Variants in ST8SIA6 observed in about 807,000 individuals in gnomAD.
ST8SIA6 encodes the protein ST8 alpha-N-acetyl-neuraminide alpha-2,8-sialyltransferase 6.
In ST8SIA6, 39 loss-of-function variants were observed where a neutral mutation model predicts 33.6. That is an observed-to-expected ratio of 1.16 (90% CI 0.90 to 1.52). ST8SIA6 has a LOEUF of 1.52. ST8SIA6 is among the 40% of genes most tolerant of loss of function. ST8SIA6 has a pLI of 0.00. For synonymous variants in ST8SIA6, 172 were observed against 167.2 expected (o/e 1.03, Z -0.22); for missense variants, 441 against 443.8 (o/e 0.99, Z 0.06).
At chr10:17,393,490 C>T (rs1050983144) in intron 2 of ST8SIA6, among the ~76,000 whole-genome samples, 2 of 152,142 alleles carry the variant, frequency 1.3e-5, no homozygotes, top group Non-Finnish European at 2.9e-5. Flanking sequence ...GCCCTGTATC[C>T]AAATGTTTGA....
In ST8SIA6 at chr10:17,380,797, A is replaced by G. The variant is rs430592; in HGVS notation, c.290+9734T>C. On this transcript the variant is annotated intron_variant, in intron 3 of 7. Transcript: ENST00000377602. Reference sequence around the variant, plus strand: ...TGTTCATGTTTGTGTGTATGTGTACATGTTTGTGTGAATGTATGTGTACGT... The same window carrying G: ...TGTTCATGTTTGTGTGTATGTGTACGTGTTTGTGTGAATGTATGTGTACGT... 2.7e-3 allele frequency among the ~76,000 whole-genome samples: 390 copies of G among 145,726 alleles called. 2 individuals are homozygous for G. The highest frequency in any genetic ancestry group is 6.5e-3 in the South Asian group (30 of 4,594).
intron 2 of ST8SIA6, among the ~76,000 whole-genome samples, chr10:17,436,643 A>G (rs923576133): frequency 1.3e-5 from 2 of 150,072 alleles, no homozygotes; most frequent in African/African-American, 2.5e-5. Flanking sequence ...TGTCCTTGTG[A>G]TAGTTTGCTG....
chr10:17,372,632 T>C (rs1343495095), intron 3 of ST8SIA6, among the ~76,000 whole-genome samples: 2 of 152,222 alleles, frequency 1.3e-5, no homozygotes, highest in African/African-American at 4.8e-5. Flanking sequence ...ACTATCACTA[T>C]TGATTATTAC....
In ST8SIA6 at chr10:17,374,764, T is replaced by TATATATATACAC. The variant is rs1441288579; in HGVS notation, c.291-15165_291-15164insGTGTATATATAT. Among the ~76,000 whole-genome samples, 69 of 126,856 alleles carry TATATATATACAC rather than the reference T, an allele frequency of 5.4e-4. 1 individual carries two copies. The highest frequency in any genetic ancestry group is 1.9e-3 in the East Asian group (6 of 3,182). The allele number at this position is 126,856 out of a possible 152,430, so 83.2% of individuals were successfully genotyped here. ...TAAATAAATAATAAATATATATATA[T>TATATATATACAC]ATATTTAGCTCAACTGCCCTCCCAA... is the stretch of plus-strand genomic sequence containing the variant. On this transcript the variant is annotated intron_variant, in intron 3 of 7. Coordinates refer to ENST00000377602, the MANE Select transcript of ST8SIA6 (RefSeq NM_001004470.3).
intron 1 of ST8SIA6, among the ~76,000 whole-genome samples, 185 bp downstream of exon 1, chr10:17,453,970 G>A (rs1287498318): frequency 6.6e-6 from 1 of 152,046 alleles, no homozygotes; most frequent in East Asian, 2.0e-4. Context: ...CCGTCCACCG[G>A]TCGGAGGGTC....
rs1215669716 is a variant in ST8SIA6, at chr10:17,318,867, T to C, written c.*2011A>G. On this transcript the variant is annotated 3_prime_UTR_variant, in exon 8 of 8. Coordinates refer to ENST00000377602, the MANE Select transcript of ST8SIA6 (RefSeq NM_001004470.3). ...TCATATTTTAGAAAGTTCTAAGTAA[T>C]GTTCTGTTTTGGAACAAAAGAACAT... The C allele has an allele frequency of 1.3e-5, 5 of 385,798 alleles. No homozygotes were observed. Among genetic ancestry groups the C allele is most frequent in the African/African-American group, 6.3e-5 (3 of 47,304 alleles). 23.9% of individuals were successfully genotyped at this position (385,798 alleles called of 1,614,324 possible). A position where few individuals can be genotyped will look rare whatever the true frequency, so the allele number is the denominator to read the frequency against.
chr10:17,403,666 C>T (rs535518819), intron 2 of ST8SIA6: 1 of 152,296 alleles, frequency 6.6e-6, no homozygotes, highest in South Asian at 2.1e-4. Context: ...ATTTTGACCT[C>T]TCTTTAGTGT....
chr10:17,380,085 C>T (rs899217990), intron 3 of ST8SIA6, among the ~76,000 whole-genome samples: 8 of 152,168 alleles, frequency 5.3e-5, no homozygotes, highest in African/African-American at 1.9e-4. Context: ...TGTACAACTC[C>T]TTTTTGGGGG....
chr10:17,365,404 C>G (rs985801226), intron 3 of ST8SIA6, among the ~76,000 whole-genome samples: 1 of 152,126 alleles, frequency 6.6e-6, no homozygotes, highest in Non-Finnish European at 1.5e-5. Context: ...TGGTTTCATC[C>G]TCTTCAGTTC....
At chr10:17,360,345 C>T (rs550118975) in intron 3 of ST8SIA6, among the ~76,000 whole-genome samples, 1 of 152,044 alleles carries the variant, frequency 6.6e-6, no homozygotes, top group African/African-American at 2.4e-5. Flanking sequence ...GGCTCTACAA[C>T]AATGAGATAG....
chr10:17,420,351 G>A (rs1250918378), intron 2 of ST8SIA6, among the ~76,000 whole-genome samples: 1 of 152,204 alleles, frequency 6.6e-6, no homozygotes, highest in Non-Finnish European at 1.5e-5. Flanking sequence ...AGCGGAGCTT[G>A]CAGTGAGCTG....
intron 2 of ST8SIA6, among the ~76,000 whole-genome samples, chr10:17,448,945 A>T (rs1852821116): frequency 2.6e-5 from 4 of 151,420 alleles, no homozygotes. Context: ...AGCTTCTTTC[A>T]TAATCAAAAT....
intron 3 of ST8SIA6, among the ~76,000 whole-genome samples, chr10:17,387,568 A>T (rs114182225): frequency 0.01 from 1,562 of 151,938 alleles, 20 homozygotes; most frequent in African/African-American, 0.036. Flanking sequence ...CGCCGGGCCC[A>T]GAAAACTAGG....
At chr10:17,418,180 T>C (rs1230680931) in intron 2 of ST8SIA6, among the ~76,000 whole-genome samples, 1 of 152,108 alleles carries the variant, frequency 6.6e-6, no homozygotes, top group African/African-American at 2.4e-5. Context: ...CACCTCAGCC[T>C]TCCAAGTAGC....
chr10:17,450,514 C>G (rs112083961), intron 2 of ST8SIA6, among the ~76,000 whole-genome samples: 8,076 of 152,190 alleles, frequency 0.053, 346 homozygotes, highest in African/African-American at 0.12. Context: ...GATCTTGGCT[C>G]ACTGCAACCT....
intron 4 of ST8SIA6, among the ~76,000 whole-genome samples, chr10:17,333,491 A>G (rs1274579569): frequency 2.0e-5 from 3 of 151,382 alleles, no homozygotes; most frequent in African/African-American, 7.3e-5. Context: ...ACTTCACACT[A>G]TACTACAAGG....
chr10:17,371,066 T>C (rs1467582288), intron 3 of ST8SIA6, among the ~76,000 whole-genome samples: 2 of 152,282 alleles, frequency 1.3e-5, no homozygotes, highest in East Asian at 3.9e-4. Flanking sequence ...GGATTTGATT[T>C]GAAGGTAGCC....
intron 3 of ST8SIA6, among the ~76,000 whole-genome samples, chr10:17,387,368 C>T (rs905857395): frequency 6.8e-6 from 1 of 147,504 alleles, no homozygotes; most frequent in Admixed American, 7.1e-5. Flanking sequence ...TCTCCAGCCT[C>T]AGTCTCCCGA....
At position 17,415,844 on chromosome 10, in the gene ST8SIA6, C is replaced by G. The variant is rs995370476; in HGVS notation, c.201-25224G>C. Among the ~76,000 whole-genome samples the G allele has an allele frequency of 2.3e-5, 3 of 131,538 alleles. No individual in the cohort carries two copies. The East Asian group carries it at 7.0e-4, about 31-fold the overall frequency. The allele number at this position is 131,538 out of a possible 152,430, so 86.3% of individuals were successfully genotyped here. A position where few individuals can be genotyped will look rare whatever the true frequency, so the allele number is the denominator to read the frequency against. The stretch of plus-strand genomic sequence containing the variant: ...TTTTTTTTTGAGACAGAATCCTGCT[C>G]TGTCACCCAGGCTGGAGTGCAGTGG... On this transcript the variant is annotated intron_variant, in intron 2 of 7. Coordinates refer to ENST00000377602, the MANE Select transcript of ST8SIA6 (RefSeq NM_001004470.3).
Sources: allele counts gnomAD v4.1 joint callset (sites outside exome capture counted in the v4.1 genomes callset), GRCh38; gene constraint gnomAD v4.1.1; transcripts MANE v1.5; gene names NCBI Gene and HGNC (gene_info 2026-07-23, HGNC 2026-07-21).